Variants in MYO18B observed in about 807,000 individuals in gnomAD.
MYO18B encodes myosin XVIIIB, also known as unconventional myosin-XVIIIb.
Under a neutral mutation model 273.0 loss-of-function variants are expected in MYO18B, and 204 were observed. The observed-to-expected ratio is 0.75, with a 90% CI of 0.67 to 0.84. The LOEUF (loss-of-function observed/expected upper bound fraction) is 0.84, where lower values mean the gene tolerates loss of function less well. MYO18B is among the 40% of genes least tolerant of loss of function. MYO18B has a pLI of 0.00. For missense variants in MYO18B, 3,212 were observed against 3,287.6 expected (o/e 0.98, Z 0.56); for synonymous variants, 1,330 against 1,305.7 (o/e 1.02, Z -0.40).
chr22:25,992,338 G>C (rs12166988), intron 39 of MYO18B, 25 bp from the exon 40 acceptor site: 1 of 1,611,594 alleles, frequency 6.2e-7, no homozygotes, highest in Admixed American at 1.7e-5. Flanking sequence ...CAAGGCCAAC[G>C]TGTGTTTGCA....
chr22:26,052,160 G>T, the MYO18B span, among the ~76,000 whole-genome samples: 1 of 152,186 alleles, frequency 6.6e-6, no homozygotes, highest in Non-Finnish European at 1.5e-5. Context: ...TGGAAATTGG[G>T]TGTGGTTTTT....
chr22:25,941,082 A>C (rs922157835), intron 34 of MYO18B, among the ~76,000 whole-genome samples: 1 of 152,244 alleles, frequency 6.6e-6, no homozygotes, highest in African/African-American at 2.4e-5. Context: ...CCACATACTC[A>C]TGCCATTGTT....
chr22:25,867,911 G>A (rs150134851), intron 21 of MYO18B, among the ~76,000 whole-genome samples: 1 of 152,142 alleles, frequency 6.6e-6, no homozygotes, highest in African/African-American at 2.4e-5. Flanking sequence ...GATAACAGCC[G>A]TGAGCCACCG....
intron 25 of MYO18B, among the ~76,000 whole-genome samples, chr22:25,878,344 CAT>C (rs764564523): frequency 5.3e-5 from 8 of 152,038 alleles, no homozygotes; most frequent in Non-Finnish European, 8.8e-5. Context: ...AAGCACAAAT[CAT>C]AGGGAAAAAT....
chr22:26,007,431 C>T (rs1023781340), intron 42 of MYO18B, among the ~76,000 whole-genome samples: 4 of 152,140 alleles, frequency 2.6e-5, no homozygotes, highest in African/African-American at 9.7e-5. Flanking sequence ...TGCCATGCTA[C>T]CACAGCTCTC....
At chr22:25,997,956 CAAACACACACACACACACACACGA>C (rs1390462839) in intron 40 of MYO18B, among the ~76,000 whole-genome samples, 3 of 139,714 alleles carry the variant, frequency 2.1e-5, no homozygotes, top group Non-Finnish European at 4.6e-5. Flanking sequence ...CACACACACA[CAAACACACACACACACACACACGA>C]GAGAGAGAGA....
At chr22:26,021,671 G>T (rs938231618) in intron 42 of MYO18B, among the ~76,000 whole-genome samples, 4 of 152,236 alleles carry the variant, frequency 2.6e-5, no homozygotes, top group African/African-American at 9.6e-5. Flanking sequence ...GAAGCTGAGG[G>T]TTAGAGAAGT....
At chr22:25,833,941 C>T (rs1205114414) in intron 16 of MYO18B, among the ~76,000 whole-genome samples, 1 of 152,168 alleles carries the variant, frequency 6.6e-6, no homozygotes, top group Non-Finnish European at 1.5e-5. Flanking sequence ...TTGCAAAGCC[C>T]TCTCCTGTGT....
chr22:25,847,035 G>A (rs746678528), intron 19 of MYO18B, among the ~76,000 whole-genome samples: 17 of 151,260 alleles, frequency 1.1e-4, no homozygotes, highest in South Asian at 2.1e-4. Context: ...AGCTGAGATC[G>A]TGCCACTGCA....
intron 39 of MYO18B, among the ~76,000 whole-genome samples, chr22:25,975,401 G>A (rs1167645608): frequency 6.6e-6 from 1 of 152,206 alleles, no homozygotes; most frequent in Non-Finnish European, 1.5e-5. Context: ...CATATAGTCT[G>A]AGAGGCATCT....
intron 34 of MYO18B, among the ~76,000 whole-genome samples, chr22:25,929,301 A>G (rs769981501): frequency 6.6e-6 from 1 of 152,190 alleles, no homozygotes; most frequent in Non-Finnish European, 1.5e-5. Context: ...TGGAACAGGT[A>G]GGCAGACAAG....
chr22:25,743,771 T>C (rs1041290320), intron 1 of MYO18B, among the ~76,000 whole-genome samples: 16 of 152,114 alleles, frequency 1.1e-4, no homozygotes, highest in African/African-American at 3.6e-4. Context: ...CTCTCCCCAG[T>C]CGGAACTTAG....
Position 26,026,783 on chromosome 22 carries a change from T to C in MYO18B, c.6809T>C (p.Leu2270Pro), listed in dbSNP as rs879491656. ...KRAQRGQGST[L>P]GLEDWPTLPI... ...GCCCAGAGAGGCCAGGGGTCCACGC[T>C]GGGCCTAGAGGACTGGCCCACTCTC... Residue 2270 changes from leucine (L) to proline (P), a missense_variant, in exon 43 of 44, where the codon CTG becomes CCG. Transcript: ENST00000335473. 6.2e-7 allele frequency: 1 copy of C among 1,606,760 alleles called. No individual in the cohort carries two copies. Among genetic ancestry groups the C allele is most frequent in the East Asian group, 2.2e-5 (1 of 44,496 alleles).
intron 39 of MYO18B, among the ~76,000 whole-genome samples, chr22:25,975,053 C>T (rs1033815732): frequency 5.3e-5 from 8 of 152,038 alleles, no homozygotes; most frequent in African/African-American, 9.7e-5. Context: ...TCAAGCCCCT[C>T]GATCAGAAGC....
the MYO18B span, among the ~76,000 whole-genome samples, chr22:26,058,993 G>T: frequency 6.6e-6 from 1 of 152,190 alleles, no homozygotes; most frequent in Non-Finnish European, 1.5e-5. Flanking sequence ...TTGTGAGTAA[G>T]ATAGCTCTTC....
At chr22:25,992,578 C>A in intron 40 of MYO18B, 85 bp downstream of exon 40, 1 of 1,566,664 alleles carries the variant, frequency 6.4e-7, no homozygotes, top group South Asian at 1.1e-5. Flanking sequence ...CGGGCTGGGG[C>A]CACATTCACT....
intron 28 of MYO18B, 27 bp from the exon 29 acceptor site, chr22:25,898,280 G>A (rs778932159): frequency 7.4e-5 from 118 of 1,604,734 alleles, no homozygotes; most frequent in Middle Eastern, 6.7e-4. Context: ...CCACAGAGCC[G>A]GGTAATTCAT....
intron 3 of MYO18B, among the ~76,000 whole-genome samples, chr22:25,765,903 A>C (rs1400187194): frequency 1.3e-5 from 2 of 152,090 alleles, no homozygotes; most frequent in Non-Finnish European, 2.9e-5. Context: ...GAGATTTGCC[A>C]AGTGCAGTCA....
At chr22:25,885,225 GTGT>G (rs1453982334) in intron 25 of MYO18B, among the ~76,000 whole-genome samples, 2 of 152,310 alleles carry the variant, frequency 1.3e-5, no homozygotes, top group Admixed American at 6.5e-5. Context: ...TGTGAAGAAG[GTGT>G]TAGTATCCCC....
Sources: allele counts gnomAD v4.1 joint callset (sites outside exome capture counted in the v4.1 genomes callset), GRCh38; gene constraint gnomAD v4.1.1; transcripts MANE v1.5; gene names NCBI Gene and HGNC (gene_info 2026-07-23, HGNC 2026-07-21).